Variants in AMZ1 observed in about 807,000 individuals in gnomAD.
AMZ1 encodes archaemetzincin-1.
In AMZ1, 39 loss-of-function variants were observed where a neutral mutation model predicts 29.9. The observed-to-expected ratio is 1.30, with a 90% CI of 1.01 to 1.70. The LOEUF (loss-of-function observed/expected upper bound fraction) is 1.70, where lower values mean the gene tolerates loss of function less well. Ranked by LOEUF, AMZ1 falls within the 40% of genes most tolerant of loss-of-function variation. The pLI is 0.00. For synonymous variants in AMZ1, 458 were observed against 304.0 expected (o/e 1.51, Z -5.27); for missense variants, 1,041 against 680.6 (o/e 1.53, Z -5.89).
upstream of AMZ1, among the ~76,000 whole-genome samples, chr7:2,686,968 C>T (rs537073618): frequency 2.0e-5 from 3 of 152,000 alleles, no homozygotes; most frequent in East Asian, 5.9e-4. Flanking sequence ...CTGCCTCAGC[C>T]TCCCAAAGTG....
upstream of AMZ1, among the ~76,000 whole-genome samples, chr7:2,683,866 C>T (rs1020216534): frequency 2.0e-5 from 3 of 152,020 alleles, no homozygotes; most frequent in Non-Finnish European, 4.4e-5. Flanking sequence ...CCTCACCCAG[C>T]CTCTTTCTCT....
chr7:2,710,891 G>C (rs775103224), intron 6 of AMZ1, among the ~76,000 whole-genome samples: 3 of 152,232 alleles, frequency 2.0e-5, no homozygotes, highest in Non-Finnish European at 4.4e-5. Context: ...GCTGTGCCCC[G>C]TCAAGGGGCA....
Position 2,731,301 on chromosome 7 carries a change from G to T in AMZ1, n.550+21485G>T. On this transcript the variant is annotated intron_variant and non_coding_transcript_variant, in intron 4 of 4. Transcript: ENST00000489665. This position sits in a 1 kb window ranked among gnomAD's most constrained non-coding sequence, Gnocchi z 6.0. The stretch of plus-strand genomic sequence containing the variant: ...TGAAGTGGTGGAAGAGTGGCTTGCT[G>T]CGGTTCCGTCTCTTCCTGTCGAAGC... 1 of 1,613,842 alleles carries T rather than the reference G, an allele frequency of 6.2e-7. No homozygotes were observed. The highest frequency in any genetic ancestry group is 1.6e-4 in the Middle Eastern group (1 of 6,062).
At chr7:2,726,253 G>T (rs1789611582) in intron 4 of AMZ1, among the ~76,000 whole-genome samples, 1 of 152,160 alleles carries the variant, frequency 6.6e-6, no homozygotes, top group African/African-American at 2.4e-5. Flanking sequence ...CGCAATTCTC[G>T]AGGCAGGTTG....
rs148936052 is a variant in AMZ1 at position 2,712,562 on chromosome 7, C to T, written c.1181C>T (p.Pro394Leu). The change falls in exon 7 of 7, where the codon CCG becomes CTG. Residue 394 changes from proline (P) to leucine (L), a missense_variant. Transcript: ENST00000683327. ...AGCTACCTGGCAGCCTCAGAGGCTC[C>T]GCTGCCACCTGGGGGCCCTGCGGAG... ...GLSYLAASEA[P>L]LPPGGPAEAI... 2,701 of 1,610,464 alleles carry T rather than the reference C, an allele frequency of 1.7e-3. 13 individuals are homozygous for T. Among genetic ancestry groups the T allele is most frequent in the African/African-American group, 6.2e-3 (465 of 75,022 alleles).
At chr7:2,764,664 T>C (rs924832674) in exon 1 of AMZ1, 4 of 152,264 alleles carry the variant, frequency 2.6e-5, no homozygotes, top group African/African-American at 9.6e-5. Flanking sequence ...GAGGTGGGGT[T>C]CTGTCTGAAT....
chr7:2,688,157 CCGCCTCGGTCCCTGCCCCGCG>C (rs1787162212), upstream of AMZ1: 2 of 152,512 alleles, frequency 1.3e-5, no homozygotes, highest in Admixed American at 6.5e-5. Context: ...CCAGTCCCGC[CCGCCTCGGTCCCTGCCCCGCG>C]CGCCGACGTC....
intron 1 of AMZ1, among the ~76,000 whole-genome samples, chr7:2,691,495 C>A: frequency 6.7e-6 from 1 of 148,638 alleles, no homozygotes. Context: ...ATAATCCCAG[C>A]ACTTCGGGAG....
chr7:2,749,788 A>G (rs1790938676), intron 4 of AMZ1, among the ~76,000 whole-genome samples: 1 of 152,210 alleles, frequency 6.6e-6, no homozygotes, highest in South Asian at 2.1e-4. Context: ...GAACTTAATA[A>G]GAGACTGGGG....
chr7:2,720,648 A>G (rs965778311), downstream of AMZ1, among the ~76,000 whole-genome samples: 4 of 151,784 alleles, frequency 2.6e-5, no homozygotes, highest in African/African-American at 9.7e-5. Context: ...CAAGTGAAAC[A>G]CCGAAGTCTC....
chr7:2,729,611 C>T (rs1036368758), intron 4 of AMZ1: 4 of 152,398 alleles, frequency 2.6e-5, no homozygotes, highest in Non-Finnish European at 4.4e-5. Flanking sequence ...TTGCGTTTAC[C>T]GGGTTTGCGG....
rs208349 is a variant in AMZ1, at chr7:2,755,254, C to T, written n.551-9458C>T. ...ATTTTTGGCCATTCCAGTGCCTTTC[C>T]GCATACATTTTACAATAATCACATC... On this transcript the variant is annotated intron_variant and non_coding_transcript_variant, in intron 4 of 4. Transcript: ENST00000489665. 3.6e-4 allele frequency among the ~76,000 whole-genome samples: 55 copies of T among 152,280 alleles called. No homozygotes were observed. In the East Asian group the frequency reaches 6.2e-3, roughly 17 times the overall value.
intron 4 of AMZ1, among the ~76,000 whole-genome samples, chr7:2,735,090 G>A (rs1385816465): frequency 6.9e-6 from 1 of 145,404 alleles, no homozygotes; most frequent in Non-Finnish European, 1.5e-5. Flanking sequence ...GGAAGCAGCT[G>A]GGAGAAGCCG....
chr7:2,698,122 G>A (rs954942248), intron 1 of AMZ1, among the ~76,000 whole-genome samples: 6 of 152,162 alleles, frequency 3.9e-5, no homozygotes, highest in Admixed American at 1.3e-4. Flanking sequence ...TGGGCCAGGC[G>A]TGGTACGTAT....
rs1275880679 is a variant in AMZ1 at position 2,717,404 on chromosome 7, C to T, written c.*4526C>T. Reference sequence around the variant, plus strand: ...TTGCAGCTCCAGTAAGAGTGAGAGACTCACGGGGGCCTGGCTGCCGTCCTG... The same window carrying T: ...TTGCAGCTCCAGTAAGAGTGAGAGATTCACGGGGGCCTGGCTGCCGTCCTG... On this transcript the variant is annotated 3_prime_UTR_variant, in exon 7 of 7. Transcript: ENST00000683327. Among the ~76,000 whole-genome samples the T allele has an allele frequency of 6.6e-6, 1 of 152,224 alleles. No individual in the cohort carries two copies.
At chr7:2,745,988 C>G (rs1204783021) in intron 4 of AMZ1, among the ~76,000 whole-genome samples, 1 of 152,182 alleles carries the variant, frequency 6.6e-6, no homozygotes, top group African/African-American at 2.4e-5. Flanking sequence ...AATATATATG[C>G]AAACAATACA....
intron 4 of AMZ1, among the ~76,000 whole-genome samples, chr7:2,751,399 G>GA (rs67434697): frequency 0.37 from 37,062 of 101,046 alleles, 4,983 homozygotes; most frequent in Non-Finnish European, 0.4. Context: ...AAAGAAAAAA[G>GA]AAAAAAAAAA....
At chr7:2,699,725 G>T (rs1240981828) in intron 1 of AMZ1, among the ~76,000 whole-genome samples, 1 of 152,186 alleles carries the variant, frequency 6.6e-6, no homozygotes, top group Non-Finnish European at 1.5e-5. Context: ...GGGGACCCAG[G>T]TGAGGATGCA....
intron 4 of AMZ1, among the ~76,000 whole-genome samples, chr7:2,739,382 T>C (rs1391481251): frequency 1.3e-5 from 2 of 152,204 alleles, no homozygotes; most frequent in Non-Finnish European, 2.9e-5. Context: ...TCACACAGCA[T>C]GCAGCCCTTT....
Sources: allele counts gnomAD v4.1 joint callset (sites outside exome capture counted in the v4.1 genomes callset), GRCh38; gene constraint gnomAD v4.1.1; non-coding constraint Gnocchi (gnomAD v3.1); transcripts MANE v1.5; gene names NCBI Gene and HGNC (gene_info 2026-07-23, HGNC 2026-07-21).